The following TAF2 variants were observed in gnomAD, a reference collection of about 807,000 sequenced individuals.
TAF2 encodes transcription initiation factor TFIID subunit 2.
In TAF2, 61 loss-of-function variants were observed where a neutral mutation model predicts 138.5. That is an observed-to-expected ratio of 0.44 (90% CI 0.36 to 0.54). The LOEUF (loss-of-function observed/expected upper bound fraction) is 0.54. Among genes scored for constraint, TAF2 ranks in the 20% least tolerant of loss-of-function variants. The probability of loss-of-function intolerance (pLI) is 0.00; values close to 1 mark genes in which losing one functional copy is unlikely to be tolerated. For missense variants in TAF2, 1,090 were observed against 1,427.9 expected (o/e 0.76, Z 3.81); for synonymous variants, 475 against 469.9 (o/e 1.01, Z -0.14).
At chr8:119,820,498 C>T (rs1468031372) in intron 2 of TAF2, among the ~76,000 whole-genome samples, 3 of 152,100 alleles carry the variant, frequency 2.0e-5, no homozygotes, top group Non-Finnish European at 4.4e-5. Flanking sequence ...ATACTTTCTA[C>T]AGAGAAGCTA....
Position 119,781,174 on chromosome 8 carries a change from C to G in TAF2, c.2132G>C (p.Ser711Thr), listed in dbSNP as rs192415229. The change falls in exon 17 of 26, where the codon AGC (serine) becomes ACC (threonine). Residue 711 changes from serine (S) to threonine (T), a missense_variant. Physicochemically the swap from Ser to Thr is moderately conservative, Grantham distance 58. Around this residue, in one of 3 missense-constraint regions of TAF2, gnomAD observed 580 missense variants for 719.6 expected, o/e 0.81. Coordinates refer to ENST00000378164, the MANE Select transcript of TAF2 (RefSeq NM_003184.4). ...CLAKIANSMV[S>T]TWTGPPAMKS... ...CATGGCTGGTGGTCCTGTCCATGTG[C>G]TCACCATTGAATTTGCAATCTGCAA... 2 of 1,613,932 alleles carry G rather than the reference C, an allele frequency of 1.2e-6. No individual in the cohort carries two copies. The highest frequency in any genetic ancestry group is 1.7e-6 in the Non-Finnish European group (2 of 1,180,014).
rs557564630 is a variant in TAF2 at position 119,790,574 on chromosome 8, A to C, written c.1413+750T>G. On this transcript the variant is annotated intron_variant, in intron 11 of 25. Transcript: ENST00000378164. The stretch of plus-strand genomic sequence containing the variant: ...CTCTAAGAATGTTAACAATGAAAAA[A>C]AATGGCTGAACATTTGGTTTCCACT... Among the ~76,000 whole-genome samples, 79 of 152,348 alleles carry C rather than the reference A, an allele frequency of 5.2e-4. 1 individual carries two copies. The highest frequency in any genetic ancestry group is 3.8e-3 in the Admixed American group (58 of 15,300).
At chr8:119,784,286 G>C (rs970785458) in intron 15 of TAF2, among the ~76,000 whole-genome samples, 1 of 152,180 alleles carries the variant, frequency 6.6e-6, no homozygotes, top group Admixed American at 6.5e-5. Context: ...CAGGTGCAAT[G>C]GCTCATGTCT....
chr8:119,772,322 A>G (rs1288326958), intron 18 of TAF2, among the ~76,000 whole-genome samples: 1 of 152,238 alleles, frequency 6.6e-6, no homozygotes. Context: ...TGCAGTTGGA[A>G]GCCATTATCC....
chr8:119,789,899 T>C (rs928665424), intron 11 of TAF2, among the ~76,000 whole-genome samples, 153 bp from the exon 12 acceptor site: 2 of 152,140 alleles, frequency 1.3e-5, no homozygotes, highest in African/African-American at 2.4e-5. Context: ...CTACTAGCAA[T>C]AGAAATATGC....
At chr8:119,747,630 T>G (rs16893091) in intron 22 of TAF2, among the ~76,000 whole-genome samples, 2,729 of 152,240 alleles carry the variant, frequency 0.018, 79 homozygotes, top group African/African-American at 0.061. Context: ...TCAGAGCACA[T>G]TGATACCAGG....
chr8:119,774,138 C>G (rs1369801397), intron 18 of TAF2, among the ~76,000 whole-genome samples: 1 of 151,608 alleles, frequency 6.6e-6, no homozygotes, highest in African/African-American at 2.4e-5. Context: ...GCCACTGCAC[C>G]CTAGCCTGGG....
intron 3 of TAF2, 68 bp from the exon 4 acceptor site, chr8:119,806,469 C>A: frequency 1.0e-4 from 79 of 761,436 alleles, no homozygotes; most frequent in Non-Finnish European, 1.5e-4. Context: ...TTCTTTCTTT[C>A]TTTTTTTTTT....
chr8:119,740,267 A>C (rs1248975512), intron 25 of TAF2, among the ~76,000 whole-genome samples: 1 of 152,146 alleles, frequency 6.6e-6, no homozygotes, highest in Non-Finnish European at 1.5e-5. Context: ...AGAAACGTTG[A>C]TACACACAAG....
At chr8:119,817,656 A>G (rs2131251748) in intron 3 of TAF2, among the ~76,000 whole-genome samples, 1 of 152,324 alleles carries the variant, frequency 6.6e-6, no homozygotes, top group African/African-American at 2.4e-5. Context: ...TTATCCTGAG[A>G]CCTGGGCAGC....
At chr8:119,830,307 A>G (rs1317853668) in intron 2 of TAF2, among the ~76,000 whole-genome samples, 1 of 152,206 alleles carries the variant, frequency 6.6e-6, no homozygotes, top group East Asian at 1.9e-4. Context: ...GTTAATACAC[A>G]TAAACCTTAG....
chr8:119,828,570 G>A (rs1040370717), intron 2 of TAF2, among the ~76,000 whole-genome samples: 5 of 152,268 alleles, frequency 3.3e-5, no homozygotes, highest in South Asian at 2.1e-4. Flanking sequence ...AAGGGTCTAG[G>A]TCATCCCAAT....
At chr8:119,770,719 G>A (rs536152629) in intron 18 of TAF2, among the ~76,000 whole-genome samples, 27 of 152,118 alleles carry the variant, frequency 1.8e-4, no homozygotes, top group Non-Finnish European at 3.5e-4. Flanking sequence ...ACTATGACAG[G>A]AAGAAAACCT....
At chr8:119,782,559 G>T (rs1233595085) in intron 16 of TAF2, among the ~76,000 whole-genome samples, 1 of 152,086 alleles carries the variant, frequency 6.6e-6, no homozygotes, top group Non-Finnish European at 1.5e-5. Flanking sequence ...AGGACATATG[G>T]ATTTAACAGT....
At chr8:119,740,981 C>T (rs533735028) in intron 25 of TAF2, among the ~76,000 whole-genome samples, 14 of 152,168 alleles carry the variant, frequency 9.2e-5, no homozygotes, top group East Asian at 7.7e-4. Flanking sequence ...AGAAAGGACC[C>T]GACACTAATA....
chr8:119,788,922 A>C lies in TAF2; in HGVS notation c.1569-18T>G. On this transcript the variant is annotated intron_variant, in intron 12 of 25. Transcript: ENST00000378164. ...TCTGATCTCTGAAGAATTGTAAAGG[A>C]AAGTTTACATACTGAAACGAATATG... is the stretch of plus-strand genomic sequence containing the variant. The C allele has an allele frequency of 6.7e-7, 1 of 1,495,814 alleles. No homozygotes were observed. The highest frequency in any genetic ancestry group is 9.3e-7 in the Non-Finnish European group (1 of 1,072,246). The allele number at this position is 1,495,814 out of a possible 1,614,324, so 92.7% of individuals were successfully genotyped here.
intron 4 of TAF2, 43 bp downstream of exon 4, chr8:119,806,240 A>G: frequency 6.7e-7 from 1 of 1,497,688 alleles, no homozygotes; most frequent in Non-Finnish European, 9.3e-7. Flanking sequence ...GTCTGAATCT[A>G]ACGTGATTTT....
At chr8:119,825,589 G>A (rs1826042782) in intron 2 of TAF2, among the ~76,000 whole-genome samples, 1 of 152,200 alleles carries the variant, frequency 6.6e-6, no homozygotes, top group African/African-American at 2.4e-5. Context: ...CCCATGCGTT[G>A]TGGGAGGGAC....
intron 3 of TAF2, among the ~76,000 whole-genome samples, chr8:119,809,998 T>A (rs368167770): frequency 2.2e-3 from 262 of 117,540 alleles, no homozygotes; most frequent in Middle Eastern, 4.6e-3. Context: ...CTTCAATTTG[T>A]AAAAAAAAAA....
Sources: allele counts gnomAD v4.1 joint callset (sites outside exome capture counted in the v4.1 genomes callset), GRCh38; gene constraint gnomAD v4.1.1; regional missense constraint gnomAD v4.1.1; transcripts MANE v1.5; gene names NCBI Gene and HGNC (gene_info 2026-07-23, HGNC 2026-07-21).